Variants in NAALADL2 observed in about 807,000 individuals in gnomAD.
NAALADL2 encodes N-acetylated alpha-linked acidic dipeptidase like 2, also known as inactive N-acetylated-alpha-linked acidic dipeptidase-like protein 2.
NAALADL2 carries 76 observed loss-of-function variants against 87.2 expected under a neutral mutation model. The ratio of observed to expected loss-of-function variants is 0.87; its 90% CI spans 0.72 to 1.05. NAALADL2 has a LOEUF of 1.05. NAALADL2 is among the 50% of genes least tolerant of loss of function. The pLI is 0.00. For missense variants in NAALADL2, 1,089 were observed against 945.8 expected (o/e 1.15, Z -1.99); for synonymous variants, 354 against 331.0 (o/e 1.07, Z -0.75).
intron 1 of NAALADL2, among the ~76,000 whole-genome samples, chr3:174,883,919 A>G (rs542470100): frequency 6.6e-6 from 1 of 152,290 alleles, no homozygotes; most frequent in East Asian, 1.9e-4. Context: ...TATTCCATGC[A>G]TACTCTTCCT....
At chr3:175,126,711 A>G (rs1419965522) in intron 2 of NAALADL2, among the ~76,000 whole-genome samples, 1 of 152,158 alleles carries the variant, frequency 6.6e-6, no homozygotes, top group African/African-American at 2.4e-5. Flanking sequence ...TATTTAATAC[A>G]CAAATTAACG....
chr3:174,807,242 C>A (rs181656625), intron 3 of NAALADL2, among the ~76,000 whole-genome samples: 1 of 151,896 alleles, frequency 6.6e-6, no homozygotes, highest in African/African-American at 2.4e-5. Flanking sequence ...TAATAGCCAG[C>A]CTTTGATATT....
chr3:175,678,440 C>G (rs761887902), intron 11 of NAALADL2, among the ~76,000 whole-genome samples: 1 of 152,074 alleles, frequency 6.6e-6, no homozygotes, highest in Admixed American at 6.6e-5. Flanking sequence ...TTTATTGTGG[C>G]ACTATTCACA....
At chr3:175,721,583 T>A (rs1001962463) in intron 11 of NAALADL2, among the ~76,000 whole-genome samples, 1 of 152,022 alleles carries the variant, frequency 6.6e-6, no homozygotes, top group African/African-American at 2.4e-5. Flanking sequence ...GTTTTTAAAA[T>A]GAATAATTAG....
intron 1 of NAALADL2, among the ~76,000 whole-genome samples, chr3:175,007,596 CTT>C (rs756433913): frequency 1.3e-5 from 2 of 152,122 alleles, no homozygotes; most frequent in Non-Finnish European, 2.9e-5. Context: ...TTCCTAAAGA[CTT>C]TCAGATTATT....
At chr3:174,696,579 C>G (rs1345311166) in intron 2 of NAALADL2, among the ~76,000 whole-genome samples, 1 of 119,194 alleles carries the variant, frequency 8.4e-6, no homozygotes, top group African/African-American at 3.4e-5. Context: ...AGGGGTCAGG[C>G]AGGTGTAGTT....
At chr3:175,535,005 T>G (rs1383583929) in intron 9 of NAALADL2, among the ~76,000 whole-genome samples, 1 of 152,014 alleles carries the variant, frequency 6.6e-6, no homozygotes, top group Non-Finnish European at 1.5e-5. Context: ...CAAGGGAAGG[T>G]TTTGTACTAT....
At chr3:174,996,742 G>A (rs1380811155) in intron 1 of NAALADL2, among the ~76,000 whole-genome samples, 1 of 152,076 alleles carries the variant, frequency 6.6e-6, no homozygotes, top group South Asian at 2.1e-4. Flanking sequence ...AGTCACCCAA[G>A]AAGTGCACAC....
intron 1 of NAALADL2, among the ~76,000 whole-genome samples, chr3:174,931,922 T>G (rs1055037240): frequency 3.9e-5 from 6 of 152,140 alleles, no homozygotes; most frequent in Non-Finnish European, 7.3e-5. Context: ...AATTCATGAG[T>G]TTTAGATATC....
Position 175,310,831 on chromosome 3 carries a change from A to C in NAALADL2, c.940-13344A>C, listed in dbSNP as rs577608195. Reference sequence around the variant, plus strand: ...TAGTAAGTTGGTAAATCAGAAGCCTACTGTCTTTATGATTTAATATCAAAC... The same window carrying C: ...TAGTAAGTTGGTAAATCAGAAGCCTCCTGTCTTTATGATTTAATATCAAAC... On this transcript the variant is annotated intron_variant, in intron 4 of 13. Transcript: ENST00000454872. Among the ~76,000 whole-genome samples the C allele has an allele frequency of 4.6e-5, 7 of 152,196 alleles. No homozygotes were observed. In the East Asian group the frequency reaches 1.3e-3, roughly 29 times the overall value.
At chr3:174,640,629 G>A (rs1723080596) in intron 2 of NAALADL2, among the ~76,000 whole-genome samples, 2 of 152,208 alleles carry the variant, frequency 1.3e-5, no homozygotes, top group Admixed American at 1.3e-4. Context: ...GAACCCTCAG[G>A]AAGGCTTGGA....
intron 11 of NAALADL2, among the ~76,000 whole-genome samples, chr3:175,636,991 AG>A (rs1256775883): frequency 6.6e-6 from 1 of 152,224 alleles, no homozygotes; most frequent in Non-Finnish European, 1.5e-5. Flanking sequence ...TCATCACCCA[AG>A]AACTTCATGT....
At chr3:175,448,151 A>G (rs1290150073) in intron 6 of NAALADL2, among the ~76,000 whole-genome samples, 1 of 152,232 alleles carries the variant, frequency 6.6e-6, no homozygotes, top group African/African-American at 2.4e-5. Flanking sequence ...GTACAAAAAA[A>G]TCTGAATACA....
At chr3:175,677,478 G>GGGGTGT (rs1553948051) in intron 11 of NAALADL2, among the ~76,000 whole-genome samples, 2 of 140,122 alleles carry the variant, frequency 1.4e-5, no homozygotes, top group African/African-American at 2.6e-5. Context: ...AGTATAATGG[G>GGGGTGT]GTGTGTGTGT....
chr3:174,522,819 A>T (rs1720397913), intron 1 of NAALADL2, among the ~76,000 whole-genome samples: 1 of 151,372 alleles, frequency 6.6e-6, no homozygotes, highest in Non-Finnish European at 1.5e-5. Context: ...CTGTAGTCCC[A>T]GCTACTCGGG....
intron 5 of NAALADL2, among the ~76,000 whole-genome samples, chr3:175,325,502 A>G (rs1053202804): frequency 2.0e-5 from 3 of 152,132 alleles, no homozygotes; most frequent in Non-Finnish European, 4.4e-5. Flanking sequence ...CAGCTCTCTC[A>G]TTTGCAAATA....
intron 9 of NAALADL2, among the ~76,000 whole-genome samples, chr3:175,482,407 T>A (rs202246283): frequency 0.6 from 91,149 of 151,418 alleles, 29,464 homozygotes; most frequent in East Asian, 0.89. Flanking sequence ...CATCAAAAGC[T>A]TTTTAAGTAA....
Position 175,142,489 on chromosome 3 carries a change from C to T in NAALADL2, c.545+45198C>T, listed in dbSNP as rs537748119. ...TATCTTAATTTTACAAATGAGAAAA[C>T]GTAGTTACAAGTCTGTGAAGTAATT... On this transcript the variant is annotated intron_variant, in intron 2 of 13. Coordinates refer to ENST00000454872, the MANE Select transcript of NAALADL2 (RefSeq NM_207015.3). 1.2e-4 allele frequency among the ~76,000 whole-genome samples: 19 copies of T among 152,048 alleles called. 1 individual carries two copies. The South Asian group carries it at 1.9e-3, about 15-fold the overall frequency.
intron 1 of NAALADL2, among the ~76,000 whole-genome samples, chr3:174,954,356 G>A (rs946801943): frequency 6.6e-6 from 1 of 151,514 alleles, no homozygotes; most frequent in African/African-American, 2.4e-5. Context: ...TAAAAATTAA[G>A]TTATTAAATG....
Sources: gnomAD v4.1 joint callset for allele counts (sites outside exome capture counted in the v4.1 genomes callset) on GRCh38, gnomAD v4.1.1 for gene constraint, MANE v1.5 for transcripts, NCBI Gene and HGNC (gene_info 2026-07-23, HGNC 2026-07-21) for gene names.